The following EBF2 variants were observed in gnomAD, a reference collection of about 807,000 sequenced individuals.
EBF2 encodes EBF transcription factor 2, also known as transcription factor COE2.
EBF2 carries 21 observed loss-of-function variants against 72.8 expected under a neutral mutation model. The observed-to-expected ratio is 0.29, with a 90% CI of 0.20 to 0.42. EBF2 has a LOEUF of 0.42. Among genes scored for constraint, EBF2 ranks in the 10% least tolerant of loss-of-function variants. EBF2 has a pLI of 1.00. For synonymous variants in EBF2, 299 were observed against 274.2 expected (o/e 1.09, Z -0.89); for missense variants, 637 against 731.2 (o/e 0.87, Z 1.49).
intron 6 of EBF2, among the ~76,000 whole-genome samples, chr8:25,982,474 A>G (rs1804377902): frequency 1.3e-5 from 2 of 152,290 alleles, no homozygotes; most frequent in African/African-American, 4.8e-5. Flanking sequence ...ACCAAAAAGT[A>G]AGTGGTCATG....
intron 6 of EBF2, among the ~76,000 whole-genome samples, chr8:25,925,108 T>C (rs901172): frequency 0.52 from 78,995 of 152,028 alleles, 23,535 homozygotes; most frequent in East Asian, 0.74. Context: ...CATTTTCCTA[T>C]TGTTGGGATT....
chr8:25,924,746 G>A (rs991122534), intron 6 of EBF2, among the ~76,000 whole-genome samples: 8 of 152,200 alleles, frequency 5.3e-5, no homozygotes, highest in Non-Finnish European at 1.0e-4. Flanking sequence ...GAAGTTCTGT[G>A]GTTTGATGAT....
intron 7 of EBF2, among the ~76,000 whole-genome samples, chr8:25,904,676 T>G (rs1210853100): frequency 6.6e-6 from 1 of 152,224 alleles, no homozygotes; most frequent in African/African-American, 2.4e-5. Context: ...TCCATTCAGA[T>G]GACTGTCCTA....
rs542216944 is a variant in EBF2 at position 26,040,802 on chromosome 8, C to T, written c.353-131G>A. The T allele has an allele frequency of 3.4e-6, 5 of 1,473,910 alleles. No homozygotes were observed. In the East Asian group the frequency reaches 7.2e-5, roughly 21 times the overall value. 91.3% of individuals were successfully genotyped at this position (1,473,910 alleles called of 1,614,324 possible). ...AGCCGCCCTGGAGACGGTGACCTCC[C>T]AATCCCCTGTCCCAGGCAAGCCTCC... is the stretch of plus-strand genomic sequence containing the variant. On this transcript the variant is annotated intron_variant, in intron 3 of 15. Transcript: ENST00000520164.
chr8:26,008,959 G>C (rs1158127351), intron 6 of EBF2, among the ~76,000 whole-genome samples: 1 of 151,392 alleles, frequency 6.6e-6, no homozygotes, highest in Non-Finnish European at 1.5e-5. Flanking sequence ...ATTTTATACA[G>C]CATGCTCACA....
chr8:25,860,493 T>TC (rs1202705967), intron 13 of EBF2, among the ~76,000 whole-genome samples: 1 of 151,972 alleles, frequency 6.6e-6, no homozygotes, highest in Non-Finnish European at 1.5e-5. Flanking sequence ...AATCCTTTTT[T>TC]TTTTTTTTTT....
At position 26,025,533 on chromosome 8, in the gene EBF2, G is replaced by A. The variant is rs1805290000; in HGVS notation, c.551+7552C>T. Among the ~76,000 whole-genome samples the A allele has an allele frequency of 2.0e-5, 3 of 152,100 alleles. No homozygotes were observed. In the South Asian group the frequency reaches 6.2e-4, roughly 32 times the overall value. On this transcript the variant is annotated intron_variant, in intron 6 of 15. Coordinates refer to ENST00000520164, the MANE Select transcript of EBF2 (RefSeq NM_022659.4). ...AGCTGGCCAGGCAAGCAGAATAAGT[G>A]TAATTCTTAAATACTAACCCAATTA... is the stretch of plus-strand genomic sequence containing the variant.
At chr8:25,847,639 C>T (rs1375453180) in intron 15 of EBF2, among the ~76,000 whole-genome samples, 3 of 152,018 alleles carry the variant, frequency 2.0e-5, no homozygotes, top group Non-Finnish European at 4.4e-5. Flanking sequence ...TTCTATTTAA[C>T]AGACTAGGAA....
At position 25,877,645 on chromosome 8, in the gene EBF2, T is replaced by C. The variant is rs192217604; in HGVS notation, c.1009+9110A>G. On this transcript the variant is annotated intron_variant, in intron 10 of 15. Coordinates refer to ENST00000520164, the MANE Select transcript of EBF2 (RefSeq NM_022659.4). ...GGTGCATCCTTGGATACAGAAAATG[T>C]CAACAGTTGGACTATGGACCACAGA... 2.4e-3 allele frequency among the ~76,000 whole-genome samples: 359 copies of C among 152,246 alleles called. 3 individuals carry two copies. The highest frequency in any genetic ancestry group is 8.2e-3 in the African/African-American group (339 of 41,534).
intron 2 of EBF2, chr8:26,041,275 C>T (rs2117266986): frequency 1.9e-6 from 1 of 515,910 alleles, no homozygotes; most frequent in Non-Finnish European, 3.5e-6. Flanking sequence ...CTTCCGACAA[C>T]AGGACCACTT....
intron 14 of EBF2, among the ~76,000 whole-genome samples, chr8:25,851,817 G>A (rs546673921): frequency 4.6e-5 from 7 of 152,282 alleles, no homozygotes; most frequent in South Asian, 2.1e-4. Context: ...GGACAAGGGC[G>A]ACACTTATGA....
intron 6 of EBF2, among the ~76,000 whole-genome samples, chr8:25,943,989 G>A (rs551563825): frequency 1.4e-4 from 22 of 152,148 alleles, no homozygotes; most frequent in Non-Finnish European, 3.2e-4. Context: ...TCCCAGACTC[G>A]TGGTCTCCAA....
chr8:25,967,757 C>G (rs1804136720), intron 6 of EBF2, among the ~76,000 whole-genome samples: 1 of 152,170 alleles, frequency 6.6e-6, no homozygotes, highest in African/African-American at 2.4e-5. Flanking sequence ...GACTGCAGCT[C>G]TGGAGTTGTG....
chr8:25,928,008 C>T (rs1217284205), intron 6 of EBF2, among the ~76,000 whole-genome samples: 1 of 152,092 alleles, frequency 6.6e-6, no homozygotes, highest in African/African-American at 2.4e-5. Context: ...ATAAAAAAGT[C>T]CATCAGATAA....
At chr8:26,009,422 T>C (rs559011794) in intron 6 of EBF2, among the ~76,000 whole-genome samples, 7 of 152,284 alleles carry the variant, frequency 4.6e-5, no homozygotes, top group Non-Finnish European at 7.3e-5. Context: ...GACAAATAAC[T>C]GCAAGAATCA....
At chr8:25,934,901 C>G (rs1803548882) in intron 6 of EBF2, among the ~76,000 whole-genome samples, 1 of 140,730 alleles carries the variant, frequency 7.1e-6, no homozygotes, top group South Asian at 2.4e-4. Context: ...ACTGCCAGAA[C>G]TAGTACCACC....
At chr8:25,855,200 C>A (rs1261972350) in intron 14 of EBF2, among the ~76,000 whole-genome samples, 1 of 152,152 alleles carries the variant, frequency 6.6e-6, no homozygotes, top group African/African-American at 2.4e-5. Flanking sequence ...GATTGGCTTG[C>A]ATAGTCTCAG....
intron 6 of EBF2, among the ~76,000 whole-genome samples, chr8:26,009,968 T>C (rs1585226157): frequency 6.6e-6 from 1 of 152,186 alleles, no homozygotes; most frequent in South Asian, 2.1e-4. Flanking sequence ...CTCGAACTCC[T>C]ATTAAGAAGG....
At chr8:26,016,228 T>C (rs953990442) in intron 6 of EBF2, among the ~76,000 whole-genome samples, 8 of 152,232 alleles carry the variant, frequency 5.3e-5, no homozygotes, top group African/African-American at 1.9e-4. Context: ...TTCATTGTGC[T>C]CATTCCACTT....
Sources: allele counts gnomAD v4.1 joint callset (sites outside exome capture counted in the v4.1 genomes callset), GRCh38; gene constraint gnomAD v4.1.1; transcripts MANE v1.5; gene names NCBI Gene and HGNC (gene_info 2026-07-23, HGNC 2026-07-21).